KCNB2: variants seen among roughly 807,000 people sequenced by gnomAD.
KCNB2 encodes the protein potassium voltage-gated channel subfamily B member 2, also known as delayed rectifier potassium channel protein.
In KCNB2, 15 loss-of-function variants were observed where a neutral mutation model predicts 61.5. The ratio of observed to expected loss-of-function variants is 0.24; its 90% CI spans 0.16 to 0.38. KCNB2 has a LOEUF of 0.38. Ranked by LOEUF, KCNB2 falls within the 10% of genes least tolerant of loss-of-function variation. KCNB2 has a pLI of 1.00. For synonymous variants in KCNB2, 457 were observed against 446.0 expected (o/e 1.02, Z -0.31); for missense variants, 828 against 1,125.2 (o/e 0.74, Z 3.78).
chr8:72,811,034 T>C (rs1809298461), intron 2 of KCNB2, among the ~76,000 whole-genome samples: 1 of 152,160 alleles, frequency 6.6e-6, no homozygotes, highest in African/African-American at 2.4e-5. Flanking sequence ...CCAAACCATA[T>C]TTATGTTATC....
chr8:72,713,281 A>C (rs999294867), intron 2 of KCNB2, among the ~76,000 whole-genome samples: 2 of 152,210 alleles, frequency 1.3e-5, no homozygotes, highest in East Asian at 3.9e-4. Context: ...GCAGACTTAA[A>C]TGTCCCTGTC....
At chr8:72,865,201 G>A (rs768643850) in intron 2 of KCNB2, among the ~76,000 whole-genome samples, 82 of 152,184 alleles carry the variant, frequency 5.4e-4, no homozygotes, top group African/African-American at 1.3e-3. Flanking sequence ...GCTCAGAAAC[G>A]CCTGAGGGTC....
chr8:72,718,567 A>G (rs2128992534), intron 2 of KCNB2, among the ~76,000 whole-genome samples: 1 of 151,958 alleles, frequency 6.6e-6, no homozygotes, highest in South Asian at 2.1e-4. Flanking sequence ...CGCAAGGACA[A>G]AAAACCAAAC....
At chr8:72,768,462 A>G (rs1441060619) in intron 2 of KCNB2, among the ~76,000 whole-genome samples, 1 of 151,760 alleles carries the variant, frequency 6.6e-6, no homozygotes, top group Non-Finnish European at 1.5e-5. Context: ...GGCGTGAGCT[A>G]CCGGGCCCAG....
At chr8:72,584,738 G>A (rs1168176017) in intron 2 of KCNB2, among the ~76,000 whole-genome samples, 1 of 151,988 alleles carries the variant, frequency 6.6e-6, no homozygotes, top group Non-Finnish European at 1.5e-5. Context: ...AAAAGGCATG[G>A]TCTTATACAT....
chr8:72,560,403 G>C (rs1363291947), intron 1 of KCNB2, among the ~76,000 whole-genome samples: 1 of 152,146 alleles, frequency 6.6e-6, no homozygotes, highest in African/African-American at 2.4e-5. Context: ...TCATTCACGT[G>C]GAATCAGGTA....
intron 2 of KCNB2, among the ~76,000 whole-genome samples, chr8:72,921,455 G>A (rs114622664): frequency 1.4e-4 from 21 of 152,240 alleles, no homozygotes; most frequent in Admixed American, 3.9e-4. Flanking sequence ...GAGAGATGAG[G>A]TATGGTACAT....
intron 2 of KCNB2, among the ~76,000 whole-genome samples, chr8:72,851,840 A>AAAAAAAC (rs1554538996): frequency 1.5e-5 from 2 of 134,462 alleles, no homozygotes; most frequent in African/African-American, 6.0e-5. Context: ...AAAAAAAAAA[A>AAAAAAAC]AAAAAAAACA....
rs933816815 is a variant in KCNB2, at chr8:72,926,640, TTC to T, written c.580-9293_580-9292del. Among the ~76,000 whole-genome samples the T allele has an allele frequency of 8.5e-5, 13 of 152,104 alleles. No homozygotes were observed. In the East Asian group the frequency reaches 2.1e-3, roughly 25 times the overall value. Reference sequence around the variant, plus strand: ...TGATTTAAGTCAAGGATCACTCTCTTTCTACATCTGTAAGATAATAGTGGAGA... The same window carrying T: ...TGATTTAAGTCAAGGATCACTCTCTTTACATCTGTAAGATAATAGTGGAGA... On this transcript the variant is annotated intron_variant, in intron 2 of 2. Transcript: ENST00000523207.
At chr8:72,922,525 GCTCA>G (rs1410618800) in intron 2 of KCNB2, among the ~76,000 whole-genome samples, 2 of 152,184 alleles carry the variant, frequency 1.3e-5, no homozygotes, top group African/African-American at 4.8e-5. Context: ...TTTGGTAAGG[GCTCA>G]CTTTTTGCTT....
chr8:72,813,632 C>T (rs1201728826), intron 2 of KCNB2, among the ~76,000 whole-genome samples: 1 of 152,128 alleles, frequency 6.6e-6, no homozygotes, highest in African/African-American at 2.4e-5. Context: ...AGTGTCTCTC[C>T]CTTTCTCTGC....
chr8:72,897,650 G>C (rs377117146), intron 2 of KCNB2, among the ~76,000 whole-genome samples: 1 of 152,066 alleles, frequency 6.6e-6, no homozygotes, highest in Non-Finnish European at 1.5e-5. Context: ...AATAATTTAC[G>C]TTGTCTATTT....
chr8:72,770,958 G>GAT lies in KCNB2; in HGVS notation c.580-164974_580-164973dup, dbSNP rs550324831. 6.1e-4 allele frequency among the ~76,000 whole-genome samples: 93 copies of GAT among 152,304 alleles called. 1 individual carries two copies. The highest frequency in any genetic ancestry group is 2.1e-3 in the African/African-American group (88 of 41,566). ...GCACTGTTCTTGTATTGCTCCAAAT[G>GAT]ATATTTTAAAAACATTCCATTGTGA... On this transcript the variant is annotated intron_variant, in intron 2 of 2. Transcript: ENST00000523207.
intron 2 of KCNB2, among the ~76,000 whole-genome samples, chr8:72,588,184 G>T (rs1416549083): frequency 2.0e-5 from 3 of 149,434 alleles, no homozygotes; most frequent in African/African-American, 7.4e-5. Context: ...TTTTCTTCCA[G>T]TCTGAGGATT....
intron 2 of KCNB2, among the ~76,000 whole-genome samples, chr8:72,799,448 T>G (rs1012837475): frequency 2.7e-5 from 4 of 148,536 alleles, no homozygotes; most frequent in African/African-American, 4.9e-5. Context: ...GGTTTGGTTT[T>G]CAGAACTCCA....
intron 2 of KCNB2, among the ~76,000 whole-genome samples, chr8:72,686,238 A>G (rs1286326548): frequency 1.2e-4 from 18 of 152,216 alleles, no homozygotes; most frequent in Admixed American, 1.0e-3. Flanking sequence ...TCCCTTTGAT[A>G]GAGTCTGCAG....
rs1406310738 is a variant in KCNB2, at chr8:72,920,473, C to CTATCTATCTATCTATA, written c.580-15459_580-15458insCTATCTATCTATATAT. ...TCTATCTATCTATCTATCTATCTAT[C>CTATCTATCTATCTATA]TATATATATATATATTAGCTGGCCA... On this transcript the variant is annotated intron_variant, in intron 2 of 2. Transcript: ENST00000523207. 2.4e-4 allele frequency among the ~76,000 whole-genome samples: 19 copies of CTATCTATCTATCTATA among 78,800 alleles called. 1 individual carries two copies. Among genetic ancestry groups the CTATCTATCTATCTATA allele is most frequent in the African/African-American group, 8.6e-4 (19 of 22,182 alleles). The allele number at this position is 78,800 out of a possible 152,430, so 51.7% of individuals were successfully genotyped here.
intron 2 of KCNB2, among the ~76,000 whole-genome samples, chr8:72,903,626 C>T (rs1172275839): frequency 6.6e-6 from 1 of 152,138 alleles, no homozygotes; most frequent in Non-Finnish European, 1.5e-5. Context: ...GGAAATTATG[C>T]CAGTTCCTGG....
At chr8:72,578,935 C>T (rs1038886703) in intron 2 of KCNB2, among the ~76,000 whole-genome samples, 2 of 152,126 alleles carry the variant, frequency 1.3e-5, no homozygotes, top group African/African-American at 4.8e-5. Context: ...TCTGACCTGG[C>T]TGTGGTGGGG....
Sources: gnomAD v4.1 joint callset for allele counts (sites outside exome capture counted in the v4.1 genomes callset) on GRCh38, gnomAD v4.1.1 for gene constraint, MANE v1.5 for transcripts, NCBI Gene and HGNC (gene_info 2026-07-23, HGNC 2026-07-21) for gene names.